Variants in MAPRE3 observed in about 807,000 individuals in gnomAD.
MAPRE3 encodes the protein microtubule associated protein RP/EB family member 3.
A neutral mutation model predicts 30.5 loss-of-function variants in MAPRE3; 2 were observed. That is an observed-to-expected ratio of 0.07 (90% CI 0.03 to 0.21). The LOEUF is 0.21. MAPRE3 is among the 10% of genes least tolerant of loss of function. The probability of loss-of-function intolerance (pLI) is 1.00; values close to 1 mark genes in which losing one functional copy is unlikely to be tolerated. For synonymous variants in MAPRE3, 110 were observed against 127.7 expected, an observed-to-expected ratio of 0.86 and a Z score of 0.93; for missense variants, 204 against 351.8, an observed-to-expected ratio of 0.58 and a Z score of 3.36.
intron 1 of MAPRE3, among the ~76,000 whole-genome samples, chr2:26,974,069 G>A (rs1665968328): frequency 6.6e-6 from 1 of 152,228 alleles, no homozygotes; most frequent in Non-Finnish European, 1.5e-5. Flanking sequence ...CAGAACGTAT[G>A]TAAAAACACT....
intron 2 of MAPRE3, 31 bp downstream of exon 2, chr2:27,022,370 T>G (rs1297609907): frequency 2.5e-6 from 4 of 1,609,442 alleles, no homozygotes; most frequent in African/African-American, 1.3e-5. Context: ...GAAGTGGCCC[T>G]GCTGGAAGGA....
chr2:26,987,530 C>T (rs1012475778), intron 1 of MAPRE3, among the ~76,000 whole-genome samples: 2 of 151,924 alleles, frequency 1.3e-5, no homozygotes, highest in South Asian at 2.1e-4. Context: ...CCCAGCTACT[C>T]GGGAGGCTGA....
chr2:27,000,900 A>G (rs1313905275), intron 1 of MAPRE3, among the ~76,000 whole-genome samples: 1 of 152,244 alleles, frequency 6.6e-6, no homozygotes, highest in Non-Finnish European at 1.5e-5. Context: ...TGACCACAAG[A>G]TTTATCCAAT....
intron 1 of MAPRE3, among the ~76,000 whole-genome samples, chr2:26,999,529 G>A (rs1161118075): frequency 1.1e-5 from 1 of 87,380 alleles, no homozygotes; most frequent in Non-Finnish European, 2.0e-5. Context: ...ATGGAGTTTC[G>A]CTGTTGTCAC....
chr2:27,022,269 C>G lies in MAPRE3; in HGVS notation c.51C>G (p.Arg17=), dbSNP rs1667124271. The stretch of plus-strand genomic sequence containing the variant: ...CTGTGACCAGTGAAAATCTGAGTCG[C>G]CATGATATGCTTGCATGGGTCAACG... ...STSVTSENLS[R]HDMLAWVNDS... Residue 17 remains arginine, a synonymous_variant, in exon 2 of 7, where the codon CGC becomes CGG. Coordinates refer to ENST00000233121, the MANE Select transcript of MAPRE3 (RefSeq NM_012326.4). The G allele has an allele frequency of 6.2e-7, 1 of 1,613,974 alleles. No individual in the cohort carries two copies. The highest frequency in any genetic ancestry group is 8.5e-7 in the Non-Finnish European group (1 of 1,180,030).
chr2:26,981,856 A>G (rs1334209728), intron 1 of MAPRE3, among the ~76,000 whole-genome samples: 1 of 152,152 alleles, frequency 6.6e-6, no homozygotes, highest in East Asian at 1.9e-4. Flanking sequence ...CCCAGGCTTG[A>G]CAGTCGACTC....
chr2:27,014,598 T>A (rs903222870), intron 1 of MAPRE3: 11 of 152,482 alleles, frequency 7.2e-5, no homozygotes, highest in African/African-American at 2.6e-4. Flanking sequence ...TTGCCCCGTC[T>A]CTGCATTGAT....
intron 1 of MAPRE3, among the ~76,000 whole-genome samples, chr2:26,980,013 A>T (rs1350509090): frequency 2.0e-5 from 3 of 152,112 alleles, no homozygotes; most frequent in African/African-American, 7.2e-5. Flanking sequence ...CCTCAAAGGA[A>T]TCTCTCCAGA....
chr2:26,971,546 G>A (rs2148192543), intron 1 of MAPRE3, among the ~76,000 whole-genome samples: 1 of 152,262 alleles, frequency 6.6e-6, no homozygotes, highest in African/African-American at 2.4e-5. Context: ...AAGAGGTTGC[G>A]TTTGGGAGCT....
At chr2:27,014,496 C>G (rs1409483696) in intron 1 of MAPRE3, 1 of 152,240 alleles carries the variant, frequency 6.6e-6, no homozygotes, top group East Asian at 1.9e-4. Flanking sequence ...AGTTTCAGTC[C>G]CTACCTGAAC....
intron 1 of MAPRE3, among the ~76,000 whole-genome samples, chr2:26,999,025 G>A (rs910559270): frequency 6.6e-6 from 1 of 152,160 alleles, no homozygotes; most frequent in Non-Finnish European, 1.5e-5. Flanking sequence ...AAGGAGGAGA[G>A]CATTCCAGTA....
chr2:26,979,362 G>A (rs1417567154), intron 1 of MAPRE3, among the ~76,000 whole-genome samples: 1 of 152,172 alleles, frequency 6.6e-6, no homozygotes, highest in Non-Finnish European at 1.5e-5. Context: ...AAGGGGGGAG[G>A]ATCACTTGAG....
At chr2:27,004,606 C>G (rs1024834936) in intron 1 of MAPRE3, among the ~76,000 whole-genome samples, 1 of 151,826 alleles carries the variant, frequency 6.6e-6, no homozygotes, top group African/African-American at 2.4e-5. Context: ...CCACCATGCC[C>G]AGCTAATTTC....
At chr2:26,992,456 G>A (rs538549003) in intron 1 of MAPRE3, among the ~76,000 whole-genome samples, 29 of 151,618 alleles carry the variant, frequency 1.9e-4, no homozygotes, top group East Asian at 9.7e-4. Context: ...AACTCCCGAC[G>A]TCAGGTGATC....
intron 1 of MAPRE3, among the ~76,000 whole-genome samples, chr2:26,999,265 G>T (rs1388929140): frequency 6.6e-6 from 1 of 152,106 alleles, no homozygotes; most frequent in African/African-American, 2.4e-5. Flanking sequence ...TGGAAAGTTT[G>T]TCTTGCAATG....
At chr2:26,993,934 CCAGA>C (rs1666402773) in intron 1 of MAPRE3, among the ~76,000 whole-genome samples, 1 of 152,134 alleles carries the variant, frequency 6.6e-6, no homozygotes, top group Non-Finnish European at 1.5e-5. Flanking sequence ...CGCTCTCCCC[CCAGA>C]CAGAGACTAA....
At chr2:27,004,898 G>C (rs925959260) in intron 1 of MAPRE3, among the ~76,000 whole-genome samples, 6 of 151,742 alleles carry the variant, frequency 4.0e-5, no homozygotes, top group African/African-American at 1.5e-4. Flanking sequence ...TCTCAAACTC[G>C]ACAGCCCAAA....
intron 1 of MAPRE3, among the ~76,000 whole-genome samples, chr2:27,011,489 A>G (rs1420410184): frequency 6.6e-6 from 1 of 152,208 alleles, no homozygotes; most frequent in Admixed American, 6.5e-5. Context: ...CCATGTCCTC[A>G]TGATGCCTCA....
rs1666959611 is a variant in MAPRE3, at chr2:27,015,341, C to T, written c.-7-6871C>T. Among the ~76,000 whole-genome samples, 1 of 152,224 alleles carries T rather than the reference C, an allele frequency of 6.6e-6. No homozygotes were observed. Among genetic ancestry groups the T allele is most frequent in the South Asian group, 2.1e-4 (1 of 4,828 alleles). On this transcript the variant is annotated intron_variant, in intron 1 of 6. Coordinates refer to ENST00000233121, the MANE Select transcript of MAPRE3 (RefSeq NM_012326.4). The surrounding 1 kb of genome is among the most constrained non-coding windows in gnomAD (Gnocchi z 4.0). Reference sequence around the variant, plus strand: ...GTGAGGTGGGAGCTGTCACTGTCCTCACTTTATAGATGAGGACACTGAGAC... The same window carrying T: ...GTGAGGTGGGAGCTGTCACTGTCCTTACTTTATAGATGAGGACACTGAGAC...
Sources: allele counts gnomAD v4.1 joint callset (sites outside exome capture counted in the v4.1 genomes callset), GRCh38; gene constraint gnomAD v4.1.1; non-coding constraint Gnocchi (gnomAD v3.1); transcripts MANE v1.5; gene names NCBI Gene and HGNC (gene_info 2026-07-23, HGNC 2026-07-21).